ARFGEF1: variants seen among roughly 807,000 people sequenced by gnomAD.
ARFGEF1 encodes the protein brefeldin A-inhibited guanine nucleotide-exchange protein 1.
Under a neutral mutation model 231.0 loss-of-function variants are expected in ARFGEF1, and 42 were observed. The ratio of observed to expected loss-of-function variants is 0.18; its 90% CI spans 0.14 to 0.24. The LOEUF is 0.24. ARFGEF1 is among the 10% of genes least tolerant of loss of function. The pLI is 1.00. For missense variants in ARFGEF1, 1,345 were observed against 2,192.0 expected (o/e 0.61, Z 7.72); for synonymous variants, 710 against 732.3 (o/e 0.97, Z 0.49).
At chr8:67,257,865 T>C (rs1468190122) in intron 16 of ARFGEF1, 49 bp from the exon 17 acceptor site, 3 of 1,477,592 alleles carry the variant, frequency 2.0e-6, no homozygotes, top group East Asian at 4.5e-5. Context: ...TTTTATATAG[T>C]TTCATTTAAA....
intron 15 of ARFGEF1, 56 bp downstream of exon 15, chr8:67,259,758 GA>G (rs568325053): frequency 5.7e-5 from 74 of 1,305,792 alleles, no homozygotes; most frequent in South Asian, 1.1e-4. Flanking sequence ...CTAATAAAAA[GA>G]AAAAAAAATC....
intron 19 of ARFGEF1, among the ~76,000 whole-genome samples, chr8:67,248,631 C>A (rs1840178245): frequency 1.3e-5 from 2 of 150,202 alleles, no homozygotes; most frequent in Admixed American, 1.3e-4. Flanking sequence ...TAAAAATGGA[C>A]AAATGGACAC....
chr8:67,222,262 T>TGTATGTAC (rs1839220968), intron 29 of ARFGEF1, among the ~76,000 whole-genome samples: 1 of 142,606 alleles, frequency 7.0e-6, no homozygotes, highest in Non-Finnish European at 1.5e-5. Context: ...TATGTATGTA[T>TGTATGTAC]GTATGTATTT....
At chr8:67,229,494 G>A (rs1339203050) in intron 23 of ARFGEF1, among the ~76,000 whole-genome samples, 1 of 152,066 alleles carries the variant, frequency 6.6e-6, no homozygotes, top group Non-Finnish European at 1.5e-5. Flanking sequence ...GACTCAGAAT[G>A]TGAAGTCCTG....
At chr8:67,297,572 G>C (rs1456600223) in intron 4 of ARFGEF1, among the ~76,000 whole-genome samples, 1 of 152,046 alleles carries the variant, frequency 6.6e-6, no homozygotes. Context: ...GAGTGAGACT[G>C]TCCCAAATTA....
chr8:67,220,582 G>A (rs1428218546), intron 29 of ARFGEF1, among the ~76,000 whole-genome samples: 1 of 152,194 alleles, frequency 6.6e-6, no homozygotes, highest in Non-Finnish European at 1.5e-5. Context: ...TACCTAATGT[G>A]TAATACTAGC....
chr8:67,217,744 T>C, intron 32 of ARFGEF1, 38 bp downstream of exon 32: 2 of 1,598,894 alleles, frequency 1.3e-6, no homozygotes, highest in Non-Finnish European at 8.6e-7. Context: ...TCATTCAATA[T>C]ACAAATATAA....
intron 33 of ARFGEF1, among the ~76,000 whole-genome samples, chr8:67,215,420 T>G (rs1838891991): frequency 6.6e-6 from 1 of 152,214 alleles, no homozygotes; most frequent in Non-Finnish European, 1.5e-5. Context: ...GTTCAAGTCC[T>G]GACCCCTGAT....
At position 67,247,141 on chromosome 8, in the gene ARFGEF1, T is replaced by C. The variant is rs1188977731; in HGVS notation, c.2850+4158A>G. Among the ~76,000 whole-genome samples, 6 of 150,336 alleles carry C rather than the reference T, an allele frequency of 4.0e-5. No homozygotes were observed. In the East Asian group the frequency reaches 1.2e-3, roughly 29 times the overall value. On this transcript the variant is annotated intron_variant, in intron 19 of 38. Transcript: ENST00000262215. Reference sequence around the variant, plus strand: ...AAAAGAAAGCGTGAAATCTGATGGCTTCACTGCTAAATTCTACCAAACATG... The same window carrying C: ...AAAAGAAAGCGTGAAATCTGATGGCCTCACTGCTAAATTCTACCAAACATG...
chr8:67,225,338 A>G (rs1342956517), intron 28 of ARFGEF1, among the ~76,000 whole-genome samples: 7 of 152,168 alleles, frequency 4.6e-5, no homozygotes, highest in Admixed American at 3.3e-4. Context: ...TTTATCACTT[A>G]AATGGTTATG....
At chr8:67,186,808 G>A (rs1273701085) in intron 5 of ARFGEF1, among the ~76,000 whole-genome samples, 1 of 152,170 alleles carries the variant, frequency 6.6e-6, no homozygotes, top group African/African-American at 2.4e-5. Context: ...GAACTAGTAA[G>A]CAGTTATAAT....
At chr8:67,241,251 T>C (rs572166768) in intron 19 of ARFGEF1, among the ~76,000 whole-genome samples, 11 of 152,308 alleles carry the variant, frequency 7.2e-5, no homozygotes, top group African/African-American at 2.6e-4. Context: ...TAGTCTCAGC[T>C]CCGCCACTTA....
At chr8:67,203,293 A>G (rs765770993) in intron 35 of ARFGEF1, 42 bp from the exon 36 acceptor site, 9 of 1,592,554 alleles carry the variant, frequency 5.7e-6, no homozygotes, top group Non-Finnish European at 7.7e-6. Flanking sequence ...CACAGTCACA[A>G]TAATTTTACT....
intron 5 of ARFGEF1, among the ~76,000 whole-genome samples, chr8:67,185,549 G>A (rs991442388): frequency 3.3e-5 from 5 of 152,140 alleles, no homozygotes; most frequent in African/African-American, 1.2e-4. Context: ...GTGGTCTGTC[G>A]GTTGATGTGT....
Position 67,211,475 on chromosome 8 carries a change from T to C in ARFGEF1, c.4819+8A>G, listed in dbSNP as rs1838748682. The C allele has an allele frequency of 6.4e-7, 1 of 1,556,908 alleles. No homozygotes were observed. The highest frequency in any genetic ancestry group is 2.0e-4 in the Middle Eastern group (1 of 5,100). On this transcript the variant is annotated splice_region_variant and intron_variant, in intron 34 of 38. Transcript: ENST00000262215. ...ACAAATTTATTTTTATTTAGAGAAA[T>C]AACTCACTTGCTGTAGATTTAATTT...
chr8:67,226,999 T>C (rs1018492195), intron 27 of ARFGEF1, 138 bp downstream of exon 27: 7 of 706,828 alleles, frequency 9.9e-6, no homozygotes, highest in Non-Finnish European at 1.1e-5. Context: ...TTAATTGTTT[T>C]TATTTACTCT....
At chr8:67,270,338 A>G (rs1474260609) in intron 10 of ARFGEF1, among the ~76,000 whole-genome samples, 1 of 152,198 alleles carries the variant, frequency 6.6e-6, no homozygotes, top group Non-Finnish European at 1.5e-5. Flanking sequence ...TTTCATTCTC[A>G]TAACAATGCT....
intron 7 of ARFGEF1, among the ~76,000 whole-genome samples, chr8:67,287,345 T>TA (rs1217300546): frequency 6.6e-6 from 1 of 152,214 alleles, no homozygotes; most frequent in Admixed American, 6.5e-5. Flanking sequence ...CAAGTTGAAT[T>TA]AAGAGAATCT....
At chr8:67,305,441 G>C (rs1203795834) in intron 1 of ARFGEF1, among the ~76,000 whole-genome samples, 1 of 152,110 alleles carries the variant, frequency 6.6e-6, no homozygotes, top group Middle Eastern at 3.2e-3. Context: ...CTTGTTGCTC[G>C]GGTTCAAGCG....
Sources: allele counts gnomAD v4.1 joint callset (sites outside exome capture counted in the v4.1 genomes callset), GRCh38; gene constraint gnomAD v4.1.1; transcripts MANE v1.5; gene names NCBI Gene and HGNC (gene_info 2026-07-23, HGNC 2026-07-21).